ZBTB10: variants seen among roughly 807,000 people sequenced by gnomAD.
ZBTB10 encodes zinc finger and BTB domain-containing protein 10.
Under a neutral mutation model 76.4 loss-of-function variants are expected in ZBTB10, and 32 were observed. That is an observed-to-expected ratio of 0.42 (90% CI 0.32 to 0.56). The LOEUF (loss-of-function observed/expected upper bound fraction) is 0.56. ZBTB10 is among the 20% of genes least tolerant of loss of function. The pLI is 0.14. For synonymous variants in ZBTB10, 523 were observed against 432.9 expected, an observed-to-expected ratio of 1.21 and a Z score of -2.58; for missense variants, 1,057 against 1,098.5, an observed-to-expected ratio of 0.96 and a Z score of 0.53.
intron 2 of ZBTB10, among the ~76,000 whole-genome samples, chr8:80,507,179 G>A (rs903428557): frequency 1.5e-4 from 22 of 151,636 alleles, no homozygotes; most frequent in Non-Finnish European, 1.3e-4. Flanking sequence ...GTGGTGGCGC[G>A]CGCCTGTAAT....
At position 80,486,953 on chromosome 8, in the gene ZBTB10, C is replaced by T. The variant is rs1314962786; in HGVS notation, c.143C>T (p.Pro48Leu). Reference sequence around the variant, plus strand: ...CCGCAGCCCCAGCCGAGACAGCCCCCGCCGCCAGCGCCGCCCGCGCTTCAG... The same window carrying T: ...CCGCAGCCCCAGCCGAGACAGCCCCTGCCGCCAGCGCCGCCCGCGCTTCAG... ...WPPQPQPRQP[P>L]PPAPPALQPP... Residue 48 changes from proline to leucine, a missense_variant, in exon 1 of 6, where the codon CCG (proline) becomes CTG (leucine). Pro to Leu is a moderately conservative substitution (Grantham distance 98). Transcript: ENST00000455036. The T allele has an allele frequency of 1.3e-6, 2 of 1,511,938 alleles. No homozygotes were observed. The highest frequency in any genetic ancestry group is 5.4e-5 in the East Asian group (2 of 37,276). The allele number at this position is 1,511,938 out of a possible 1,614,324, so 93.7% of individuals were successfully genotyped here.
Position 80,486,471 on chromosome 8 carries a change from C to G in ZBTB10, c.-340C>G. ...GGTCTCCCCGCACTCCGCTGCTCAA[C>G]TTCGAAGGCCTCGCTCGCTGCAGGC... On this transcript the variant is annotated 5_prime_UTR_variant, in exon 1 of 6. Transcript: ENST00000455036. 1.0e-6 allele frequency: 1 copy of G among 985,298 alleles called. No individual in the cohort carries two copies. The highest frequency in any genetic ancestry group is 1.2e-6 in the Non-Finnish European group (1 of 830,008). 61.0% of individuals were successfully genotyped at this position (985,298 alleles called of 1,614,324 possible). A position where few individuals can be genotyped will look rare whatever the true frequency, so the allele number is the denominator to read the frequency against.
At chr8:80,507,432 G>C (rs1816088110) in intron 2 of ZBTB10, among the ~76,000 whole-genome samples, 1 of 152,010 alleles carries the variant, frequency 6.6e-6, no homozygotes, top group Non-Finnish European at 1.5e-5. Flanking sequence ...CTAACACAGT[G>C]AAACCCCGTC....
intron 2 of ZBTB10, among the ~76,000 whole-genome samples, chr8:80,512,362 G>A (rs925136137): frequency 3.9e-5 from 6 of 152,046 alleles, no homozygotes; most frequent in African/African-American, 1.2e-4. Flanking sequence ...CCTTCTCTTC[G>A]CAGCAATATC....
In ZBTB10 at chr8:80,487,311, G is replaced by A. The variant is rs753893677; in HGVS notation, c.501G>A (p.Ala167=). 6.5e-7 allele frequency: 1 copy of A among 1,544,330 alleles called. No individual in the cohort carries two copies. ...GPATVDLELD[A]LEGKELMQDG... ...CGACTGTGGATCTGGAGCTGGACGC[G>A]CTGGAGGGGAAGGAGTTGATGCAGG... Residue 167 remains alanine (A), a synonymous_variant, in exon 1 of 6, where the codon GCG becomes GCA. Coordinates refer to ENST00000455036, the MANE Select transcript of ZBTB10 (RefSeq NM_001105539.3).
rs1030066909 is a variant in ZBTB10 at position 80,486,446 on chromosome 8, G to A, written c.-365G>A. ...CGGCTTTAAAGAGGGGGCAGCGGAGGGTCTCCCCGCACTCCGCTGCTCAAC... is the reference window on the plus strand; with the variant it reads ...CGGCTTTAAAGAGGGGGCAGCGGAGAGTCTCCCCGCACTCCGCTGCTCAAC... On this transcript the variant is annotated 5_prime_UTR_variant, in exon 1 of 6. Transcript: ENST00000455036. The A allele has an allele frequency of 1.9e-5, 19 of 984,938 alleles. No individual in the cohort carries two copies. The highest frequency in any genetic ancestry group is 9.4e-5 in the South Asian group (2 of 21,324). 61.0% of individuals were successfully genotyped at this position (984,938 alleles called of 1,614,324 possible).
In ZBTB10 at chr8:80,518,428, T is replaced by G. The variant is rs770959277; in HGVS notation, c.1986T>G (p.Gly662=). The G allele has an allele frequency of 2.7e-5, 42 of 1,551,608 alleles. No homozygotes were observed. The South Asian group carries it at 4.9e-4, about 18-fold the overall frequency. Residue 662 remains glycine, a synonymous_variant, in exon 4 of 6, where the codon GGT becomes GGG. Coordinates refer to ENST00000455036, the MANE Select transcript of ZBTB10 (RefSeq NM_001105539.3). The part of the protein sequence containing the change: ...DAGTSHDFKY[G]LMPGPSNDFK... The stretch of plus-strand genomic sequence containing the variant: ...GTACTTCACATGATTTCAAGTATGG[T>G]TTGATGCCTGGTCCTTCAAATGATT...
At position 80,487,517 on chromosome 8, in the gene ZBTB10, T is replaced by G; in HGVS notation, c.707T>G (p.Leu236Arg). 1 of 1,566,382 alleles carries G rather than the reference T, an allele frequency of 6.4e-7. No homozygotes were observed. Among genetic ancestry groups the G allele is most frequent in the Non-Finnish European group, 8.7e-7 (1 of 1,155,252 alleles). Residue 236 changes from leucine to arginine, a missense_variant, in exon 1 of 6, where the codon CTC (leucine) becomes CGC (arginine). Around this residue, in one of 5 missense-constraint regions of ZBTB10, gnomAD observed 556 missense variants for 451.7 expected, o/e 1.23. Coordinates refer to ENST00000455036, the MANE Select transcript of ZBTB10 (RefSeq NM_001105539.3). ...GEGETVQHFP[L>R]ARPKSLMQKL... ...GGAGAGACTGTCCAGCACTTCCCGC[T>G]CGCGCGGCCCAAGTCTCTAATGCAG...
intron 3 of ZBTB10, among the ~76,000 whole-genome samples, chr8:80,516,692 C>G (rs1816333666): frequency 6.6e-6 from 1 of 152,220 alleles, no homozygotes; most frequent in African/African-American, 2.4e-5. Context: ...ATTCCAAGTA[C>G]AGCACAGTTT....
At position 80,500,335 on chromosome 8, in the gene ZBTB10, C is replaced by T. The variant is rs374256326; in HGVS notation, c.1814C>T (p.Pro605Leu). The change falls in exon 2 of 6, where the codon CCT becomes CTT. Residue 605 changes from proline to leucine, a missense_variant. Physicochemically the swap from Pro to Leu is moderately conservative, Grantham distance 98. Transcript: ENST00000455036. ...GAAGATTGCTCAGTAATGCAGCCAC[C>T]TGTTGCCTATCCAGAAGAAAATACA... ...NLEDCSVMQP[P>L]VAYPEENTLL... 2.5e-6 allele frequency: 4 copies of T among 1,585,744 alleles called. No homozygotes were observed. Among genetic ancestry groups the T allele is most frequent in the East Asian group, 2.3e-5 (1 of 43,976 alleles).
In ZBTB10 at chr8:80,509,251, A is replaced by G. The variant is rs572669160; in HGVS notation, c.1862-4659A>G. ...ATTTACTTTTAGTTCTGAAACTGTC[A>G]CCGTAAGAGAAACTTGTGCTAATAT... is the stretch of plus-strand genomic sequence containing the variant. On this transcript the variant is annotated intron_variant, in intron 2 of 5. Transcript: ENST00000455036. Among the ~76,000 whole-genome samples, 194 of 152,360 alleles carry G rather than the reference A, an allele frequency of 1.3e-3. 1 individual carries two copies. The highest frequency in any genetic ancestry group is 4.4e-3 in the African/African-American group (185 of 41,586).
intron 3 of ZBTB10, among the ~76,000 whole-genome samples, chr8:80,517,443 A>G (rs1410642197): frequency 6.6e-6 from 1 of 152,204 alleles, no homozygotes; most frequent in Non-Finnish European, 1.5e-5. Context: ...GCTAATCTGA[A>G]GATCCTTAGG....
At chr8:80,499,100 A>G (rs41462451) in intron 1 of ZBTB10, among the ~76,000 whole-genome samples, 13,080 of 152,252 alleles carry the variant, frequency 0.086, 1,145 homozygotes, top group African/African-American at 0.22. Context: ...TTTTAAGTTC[A>G]ATCGGGGGAG....
rs1199081931 is a variant in ZBTB10 at position 80,493,193 on chromosome 8, A to ACGCGCGCGCGCG, written c.972+5415_972+5426dup. Reference sequence around the variant, plus strand: ...GCGACAAGCAAGACTGTGCCTCAAAACGCGCGCGCGCGCGCACACACACAC... The same window carrying ACGCGCGCGCGCG: ...GCGACAAGCAAGACTGTGCCTCAAAACGCGCGCGCGCGCGCGCGCGCGCGCGCACACACACAC... On this transcript the variant is annotated intron_variant, in intron 1 of 5. Coordinates refer to ENST00000455036, the MANE Select transcript of ZBTB10 (RefSeq NM_001105539.3). Among the ~76,000 whole-genome samples, 665 of 124,214 alleles carry ACGCGCGCGCGCG rather than the reference A, an allele frequency of 5.4e-3. 7 individuals carry two copies. Among genetic ancestry groups the ACGCGCGCGCGCG allele is most frequent in the Admixed American group, 6.8e-3 (84 of 12,354 alleles). The allele number at this position is 124,214 out of a possible 152,430, so 81.5% of individuals were successfully genotyped here. A position where few individuals can be genotyped will look rare whatever the true frequency, so the allele number is the denominator to read the frequency against.
In ZBTB10 at chr8:80,499,625, T is replaced by C. The variant is rs765560401; in HGVS notation, c.1104T>C (p.Ile368=). Residue 368 remains isoleucine, a synonymous_variant, in exon 2 of 6, where the codon ATT becomes ATC. Coordinates refer to ENST00000455036, the MANE Select transcript of ZBTB10 (RefSeq NM_001105539.3). The part of the protein sequence containing the change: ...RKKGILCDVS[I]VVSGKIFKAH... Reference sequence around the variant, plus strand: ...AAGGTATTCTTTGTGATGTCAGCATTGTGGTAAGCGGAAAAATCTTCAAAG... The same window carrying C: ...AAGGTATTCTTTGTGATGTCAGCATCGTGGTAAGCGGAAAAATCTTCAAAG... 5 of 1,613,922 alleles carry C rather than the reference T, an allele frequency of 3.1e-6. No homozygotes were observed. The highest frequency in any genetic ancestry group is 4.2e-6 in the Non-Finnish European group (5 of 1,179,858).
At chr8:80,518,607 A>C in intron 4 of ZBTB10, 28 bp downstream of exon 4, 1 of 1,525,394 alleles carries the variant, frequency 6.6e-7, no homozygotes. Flanking sequence ...AAACAAATAC[A>C]GAATTAATTA....
At position 80,519,552 on chromosome 8, in the gene ZBTB10, A is replaced by G. The variant is rs1259571568; in HGVS notation, c.*24A>G. 1 of 1,581,306 alleles carries G rather than the reference A, an allele frequency of 6.3e-7. No individual in the cohort carries two copies. The highest frequency in any genetic ancestry group is 1.8e-5 in the Admixed American group (1 of 56,540). ...AACTGACCTACTATACTCCTCAAGG[A>G]TGCTGCATTTGGACCTAATATGAAT... On this transcript the variant is annotated 3_prime_UTR_variant, in exon 6 of 6. Transcript: ENST00000455036.
intron 1 of ZBTB10, among the ~76,000 whole-genome samples, chr8:80,495,273 C>T (rs1815753370): frequency 6.6e-6 from 1 of 151,988 alleles, no homozygotes; most frequent in Admixed American, 6.6e-5. Flanking sequence ...GGACATTTAC[C>T]TCTGAAATGT....
At chr8:80,506,746 T>G (rs1229166886) in intron 2 of ZBTB10, among the ~76,000 whole-genome samples, 1 of 152,242 alleles carries the variant, frequency 6.6e-6, no homozygotes, top group African/African-American at 2.4e-5. Context: ...CTATAAAATC[T>G]GAAAAATTCT....
Sources: gnomAD v4.1 joint callset for allele counts (sites outside exome capture counted in the v4.1 genomes callset) on GRCh38, gnomAD v4.1.1 for gene constraint, gnomAD v4.1.1 regional missense constraint, MANE v1.5 for transcripts, NCBI Gene and HGNC (gene_info 2026-07-23, HGNC 2026-07-21) for gene names.